Variants in EYS observed in about 807,000 individuals in gnomAD.
EYS encodes protein eyes shut homolog.
In EYS, 250 loss-of-function variants were observed where a neutral mutation model predicts 282.1. The observed-to-expected ratio is 0.89, with a 90% CI of 0.80 to 0.98. EYS has a LOEUF of 0.98. Ranked by LOEUF, EYS falls within the 50% of genes least tolerant of loss-of-function variation. The pLI is 0.00. For missense variants in EYS, 4,016 were observed against 3,709.0 expected (o/e 1.08, Z -2.15); for synonymous variants, 1,355 against 1,282.9 (o/e 1.06, Z -1.20).
At chr6:64,428,205 A>T (rs2150457566) in intron 28 of EYS, among the ~76,000 whole-genome samples, 1 of 152,228 alleles carries the variant, frequency 6.6e-6, no homozygotes, top group South Asian at 2.1e-4. Context: ...GAAATATCTC[A>T]CAGGAAGGCT....
rs1776717051 is a variant in EYS, at chr6:64,490,840, T to C, written c.5645-51488A>G. Among the ~76,000 whole-genome samples, 3 of 150,892 alleles carry C rather than the reference T, an allele frequency of 2.0e-5. No individual in the cohort carries two copies. The Admixed American group carries it at 2.0e-4, about 10-fold the overall frequency. ...ATAAAAATGTATTTTAAAACTTCTATATAAAGCATCAGTTTTTACTATGCA... is the reference window on the plus strand; with the variant it reads ...ATAAAAATGTATTTTAAAACTTCTACATAAAGCATCAGTTTTTACTATGCA... On this transcript the variant is annotated intron_variant, in intron 26 of 42. Coordinates refer to ENST00000503581, the MANE Select transcript of EYS (RefSeq NM_001142800.2).
chr6:63,808,623 A>T (rs1770965023), intron 36 of EYS, among the ~76,000 whole-genome samples: 1 of 152,240 alleles, frequency 6.6e-6, no homozygotes, highest in Admixed American at 6.5e-5. Context: ...GCTAATGGAA[A>T]TACATTATCA....
At chr6:64,604,489 A>G (rs1399335939) in intron 24 of EYS, among the ~76,000 whole-genome samples, 2 of 152,054 alleles carry the variant, frequency 1.3e-5, no homozygotes, top group Admixed American at 1.3e-4. Context: ...ACAGAGTAGA[A>G]GCACACAAGC....
intron 5 of EYS, among the ~76,000 whole-genome samples, chr6:65,429,700 G>A (rs969229778): frequency 6.6e-6 from 1 of 151,798 alleles, no homozygotes; most frequent in Non-Finnish European, 1.5e-5. Context: ...AGAATAAAAT[G>A]TATTATCTAT....
At chr6:63,930,912 G>A (rs1764872762) in intron 35 of EYS, among the ~76,000 whole-genome samples, 1 of 152,112 alleles carries the variant, frequency 6.6e-6, no homozygotes, top group Admixed American at 6.6e-5. Context: ...GATCATATTA[G>A]CATTTCCTTG....
At chr6:65,460,398 G>A (rs964979473) in intron 5 of EYS, among the ~76,000 whole-genome samples, 2 of 151,808 alleles carry the variant, frequency 1.3e-5, no homozygotes, top group Admixed American at 1.3e-4. Flanking sequence ...AAGTCCCCTT[G>A]TTCTCCCATC....
intron 19 of EYS, among the ~76,000 whole-genome samples, chr6:64,854,965 T>C (rs1343461023): frequency 2.0e-5 from 3 of 152,304 alleles, no homozygotes; most frequent in African/African-American, 7.2e-5. Flanking sequence ...TGACAGTTTT[T>C]TTAAATATCA....
intron 2 of EYS, among the ~76,000 whole-genome samples, chr6:65,544,669 T>C (rs1196261107): frequency 6.6e-6 from 1 of 152,182 alleles, no homozygotes; most frequent in African/African-American, 2.4e-5. Context: ...GTCTCAGGTA[T>C]GTCCTTATAG....
chr6:64,079,637 T>C (rs2149866884), intron 32 of EYS, among the ~76,000 whole-genome samples: 1 of 152,228 alleles, frequency 6.6e-6, no homozygotes. Context: ...GTTTGTTACA[T>C]ATGTATACAT....
chr6:63,774,926 A>G (rs1265669414), intron 40 of EYS, among the ~76,000 whole-genome samples: 3 of 151,276 alleles, frequency 2.0e-5, no homozygotes, highest in Non-Finnish European at 2.9e-5. Context: ...ACACCTACCA[A>G]GCACATACAC....
At chr6:65,318,437 G>GGAGGAGACT (rs1374741554) in intron 11 of EYS, among the ~76,000 whole-genome samples, 1 of 149,658 alleles carries the variant, frequency 6.7e-6, no homozygotes, top group Non-Finnish European at 1.5e-5. Context: ...AGTGCGTGTG[G>GGAGGAGACT]GAGGAGACTT....
chr6:64,709,231 T>C (rs1771128161), intron 22 of EYS, among the ~76,000 whole-genome samples: 4 of 152,206 alleles, frequency 2.6e-5, no homozygotes, highest in Non-Finnish European at 4.4e-5. Context: ...ACCATCTCAT[T>C]TGAAAATGTG....
chr6:65,487,187 C>T (rs6941369), intron 5 of EYS, among the ~76,000 whole-genome samples: 7,107 of 152,208 alleles, frequency 0.047, 460 homozygotes, highest in African/African-American at 0.14. Context: ...CCTGATTGCC[C>T]TGGCCAGAAC....
intron 30 of EYS, among the ~76,000 whole-genome samples, chr6:64,301,578 C>T (rs532137286): frequency 9.3e-4 from 141 of 152,166 alleles, no homozygotes; most frequent in Non-Finnish European, 2.6e-4. Context: ...ACAATGCAAT[C>T]AGTTGCTAGG....
intron 12 of EYS, among the ~76,000 whole-genome samples, chr6:65,264,464 G>T (rs1450309210): frequency 5.9e-5 from 9 of 152,010 alleles, no homozygotes; most frequent in Non-Finnish European, 1.2e-4. Context: ...AACACCAAAA[G>T]TTTAGAAAAT....
intron 12 of EYS, among the ~76,000 whole-genome samples, chr6:65,200,327 G>A (rs475994): frequency 0.37 from 55,908 of 151,296 alleles, 11,572 homozygotes; most frequent in African/African-American, 0.52. Context: ...AGATAGAAAT[G>A]CAATCTGTTG....
At chr6:64,015,107 G>T (rs749366884) in intron 33 of EYS, among the ~76,000 whole-genome samples, 3 of 152,082 alleles carry the variant, frequency 2.0e-5, no homozygotes, top group Non-Finnish European at 4.4e-5. Context: ...TAAAGATTGA[G>T]AAAAATTTAA....
At chr6:64,164,567 T>G (rs1775208659) in intron 31 of EYS, among the ~76,000 whole-genome samples, 1 of 152,090 alleles carries the variant, frequency 6.6e-6, no homozygotes, top group Non-Finnish European at 1.5e-5. Context: ...ATAGCCACCA[T>G]GTTGATATTG....
chr6:63,910,397 T>G (rs2149737439), intron 35 of EYS, among the ~76,000 whole-genome samples: 1 of 152,318 alleles, frequency 6.6e-6, no homozygotes, highest in East Asian at 1.9e-4. Context: ...GATTCTGATT[T>G]AATTTGAGAT....
Sources: allele counts gnomAD v4.1 joint callset (sites outside exome capture counted in the v4.1 genomes callset), GRCh38; gene constraint gnomAD v4.1.1; transcripts MANE v1.5; gene names NCBI Gene and HGNC (gene_info 2026-07-23, HGNC 2026-07-21).